IGSF10: variants seen among roughly 807,000 people sequenced by gnomAD.
IGSF10 encodes immunoglobulin superfamily member 10.
Under a neutral mutation model 128.2 loss-of-function variants are expected in IGSF10, and 126 were observed. The ratio of observed to expected loss-of-function variants is 0.98; its 90% CI spans 0.85 to 1.14. The LOEUF is 1.14. Among genes scored for constraint, IGSF10 ranks in the 50% most tolerant of loss-of-function variants. The probability of loss-of-function intolerance (pLI) is 0.00; values close to 1 mark genes in which losing one functional copy is unlikely to be tolerated. For synonymous variants in IGSF10, 1,185 were observed against 1,146.2 expected, an observed-to-expected ratio of 1.03 and a Z score of -0.68; for missense variants, 3,295 against 3,149.8, an observed-to-expected ratio of 1.05 and a Z score of -1.10.
At chr3:151,576,277 G>T in the IGSF10 span, among the ~76,000 whole-genome samples, 3 of 150,582 alleles carry the variant, frequency 2.0e-5, no homozygotes, top group Non-Finnish European at 4.4e-5. Context: ...TCCGTTTTTT[G>T]GTCTTAATTT....
At chr3:151,507,627 G>A in the IGSF10 span, among the ~76,000 whole-genome samples, 18 of 152,062 alleles carry the variant, frequency 1.2e-4, no homozygotes, top group Non-Finnish European at 7.4e-5. Flanking sequence ...TGGCAGGAAC[G>A]AGACAAGCAG....
chr3:151,474,280 G>A, the IGSF10 span, among the ~76,000 whole-genome samples: 5 of 152,030 alleles, frequency 3.3e-5, no homozygotes, highest in Non-Finnish European at 5.9e-5. Context: ...TTAAAAGGTG[G>A]GTGATACTGC....
the IGSF10 span, among the ~76,000 whole-genome samples, chr3:151,550,680 G>A: frequency 5.9e-5 from 9 of 151,946 alleles, no homozygotes; most frequent in South Asian, 2.1e-4. Flanking sequence ...TTTTTTTCTC[G>A]TTTTTTACAT....
At chr3:151,558,029 T>TATATATAATA in the IGSF10 span, among the ~76,000 whole-genome samples, 2 of 65,142 alleles carry the variant, frequency 3.1e-5, no homozygotes, top group East Asian at 3.8e-4. Context: ...ATATATATAT[T>TATATATAATA]GGTACAATAT....
At chr3:151,584,209 A>G in the IGSF10 span, among the ~76,000 whole-genome samples, 8 of 152,110 alleles carry the variant, frequency 5.3e-5, no homozygotes, top group African/African-American at 1.9e-4. Context: ...AATTCTTCTC[A>G]TCTTTAGGAA....
At chr3:151,583,841 T>C in the IGSF10 span, among the ~76,000 whole-genome samples, 1 of 152,220 alleles carries the variant, frequency 6.6e-6, no homozygotes, top group Non-Finnish European at 1.5e-5. Flanking sequence ...TTTGAATCAT[T>C]GGAGTCCTTG....
chr3:151,503,026 A>G, the IGSF10 span, among the ~76,000 whole-genome samples: 302 of 152,256 alleles, frequency 2.0e-3, 2 homozygotes, highest in South Asian at 8.5e-3. Flanking sequence ...TCACTCTCAG[A>G]GTAAATCAGA....
the IGSF10 span, among the ~76,000 whole-genome samples, chr3:151,496,616 G>C: frequency 7.5e-6 from 1 of 133,152 alleles, no homozygotes; most frequent in African/African-American, 2.9e-5. Flanking sequence ...CTTTGCTATT[G>C]TGAATAGTGC....
At chr3:151,482,832 T>C in the IGSF10 span, among the ~76,000 whole-genome samples, 4 of 151,448 alleles carry the variant, frequency 2.6e-5, no homozygotes, top group Admixed American at 2.6e-4. Flanking sequence ...GAACCTTCAT[T>C]ACTATTAGTG....
the IGSF10 span, among the ~76,000 whole-genome samples, chr3:151,501,927 A>G: frequency 6.6e-6 from 1 of 152,082 alleles, no homozygotes; most frequent in Non-Finnish European, 1.5e-5. Context: ...TTTATTTCTC[A>G]GCATGTTTCT....
At chr3:151,538,900 AT>A in the IGSF10 span, among the ~76,000 whole-genome samples, 1 of 152,238 alleles carries the variant, frequency 6.6e-6, no homozygotes, top group Non-Finnish European at 1.5e-5. Context: ...CAAAACATGC[AT>A]TGTGAGAACT....
chr3:151,462,302 A>C (rs1722091280), upstream of IGSF10, among the ~76,000 whole-genome samples: 1 of 152,158 alleles, frequency 6.6e-6, no homozygotes, highest in Non-Finnish European at 1.5e-5. Flanking sequence ...GGACTTCGTT[A>C]AGATCAAAAA....
At chr3:151,558,613 A>C in the IGSF10 span, among the ~76,000 whole-genome samples, 1 of 151,842 alleles carries the variant, frequency 6.6e-6, no homozygotes, top group African/African-American at 2.4e-5. Context: ...TCCCAGATTC[A>C]AGTGATTCTC....
Position 151,436,704 on chromosome 3 carries a change from A to G in IGSF10, c.7857T>C (p.Tyr2619=). ...TTATTTCATGTCAGATTACTTGAAT[A>G]TACGTTGCTGCATAATCACTACCAA... is the stretch of plus-strand genomic sequence containing the variant. The part of the protein sequence containing the change: ...NPLGSDYAAT[Y]IQVI The change falls in exon 8 of 8, where the codon TAT becomes TAC. Residue 2619 remains tyrosine, a synonymous_variant. Coordinates refer to ENST00000282466, the MANE Select transcript of IGSF10 (RefSeq NM_178822.5). 1.2e-6 allele frequency: 2 copies of G among 1,604,744 alleles called. No homozygotes were observed. Among genetic ancestry groups the G allele is most frequent in the Non-Finnish European group, 8.5e-7 (1 of 1,175,536 alleles).
the IGSF10 span, among the ~76,000 whole-genome samples, chr3:151,575,773 G>A: frequency 6.6e-6 from 1 of 152,182 alleles, no homozygotes; most frequent in South Asian, 2.1e-4. Flanking sequence ...AGGTACCTCA[G>A]TTGGAAATGC....
upstream of IGSF10, among the ~76,000 whole-genome samples, chr3:151,462,572 C>T (rs563074979): frequency 6.6e-6 from 1 of 152,342 alleles, no homozygotes; most frequent in South Asian, 2.1e-4. Context: ...GACAGAACTC[C>T]AGGCCATGTG....
chr3:151,525,002 CTTTT>C, the IGSF10 span, among the ~76,000 whole-genome samples: 17 of 49,672 alleles, frequency 3.4e-4, no homozygotes, highest in Non-Finnish European at 5.5e-4. Context: ...TGCATTACAC[CTTTT>C]TTTTTTTTTT....
At chr3:151,488,504 C>T in the IGSF10 span, among the ~76,000 whole-genome samples, 6 of 152,242 alleles carry the variant, frequency 3.9e-5, no homozygotes, top group African/African-American at 1.4e-4. Context: ...AAAGAAGAGC[C>T]CGCATAGCCA....
downstream of IGSF10, among the ~76,000 whole-genome samples, chr3:151,432,503 C>T (rs1042999860): frequency 6.6e-6 from 1 of 152,240 alleles, no homozygotes; most frequent in Non-Finnish European, 1.5e-5. Flanking sequence ...GGGAGACACT[C>T]TGGATGGGCC....
Sources: gnomAD v4.1 joint callset for allele counts (sites outside exome capture counted in the v4.1 genomes callset) on GRCh38, gnomAD v4.1.1 for gene constraint, MANE v1.5 for transcripts, NCBI Gene and HGNC (gene_info 2026-07-23, HGNC 2026-07-21) for gene names.